The following ROBO2 variants were observed in gnomAD, a reference collection of about 807,000 sequenced individuals.
ROBO2 encodes the protein roundabout homolog 2.
Under a neutral mutation model 160.8 loss-of-function variants are expected in ROBO2, and 53 were observed. That is an observed-to-expected ratio of 0.33 (90% CI 0.26 to 0.41). The LOEUF is 0.41. Among genes scored for constraint, ROBO2 ranks in the 10% least tolerant of loss-of-function variants. The probability of loss-of-function intolerance (pLI) is 1.00; values close to 1 mark genes in which losing one functional copy is unlikely to be tolerated. For missense variants in ROBO2, 1,577 were observed against 1,722.4 expected (o/e 0.92, Z 1.49); for synonymous variants, 664 against 611.7 (o/e 1.09, Z -1.26).
chr3:76,982,136 G>A (rs546356574), intron 2 of ROBO2, among the ~76,000 whole-genome samples: 5 of 152,110 alleles, frequency 3.3e-5, no homozygotes, highest in South Asian at 2.1e-4. Flanking sequence ...TTTTGGTTTC[G>A]TATCTAAGAA....
chr3:77,503,569 A>T (rs2087983295), intron 5 of ROBO2, among the ~76,000 whole-genome samples: 1 of 150,130 alleles, frequency 6.7e-6, no homozygotes, highest in African/African-American at 2.4e-5. Context: ...ATAAAATAAT[A>T]ATAAGGCTAT....
At chr3:76,670,223 T>A (rs1040871445) in intron 2 of ROBO2, among the ~76,000 whole-genome samples, 3 of 152,244 alleles carry the variant, frequency 2.0e-5, no homozygotes, top group Admixed American at 2.0e-4. Context: ...AATCTTTTCC[T>A]TTAAGAGTTC....
chr3:76,016,251 A>T (rs994161499), intron 2 of ROBO2, among the ~76,000 whole-genome samples: 4 of 152,052 alleles, frequency 2.6e-5, no homozygotes, highest in African/African-American at 9.7e-5. Flanking sequence ...TCTGCTCGGG[A>T]CAGGCTGTGC....
intron 2 of ROBO2, among the ~76,000 whole-genome samples, chr3:76,691,242 C>T (rs1477132524): frequency 6.6e-6 from 1 of 151,974 alleles, no homozygotes; most frequent in Non-Finnish European, 1.5e-5. Flanking sequence ...TGTAAGTGCT[C>T]ACTTTCCCTT....
At chr3:77,469,591 T>C (rs1013907821) in intron 2 of ROBO2, among the ~76,000 whole-genome samples, 2 of 152,188 alleles carry the variant, frequency 1.3e-5, no homozygotes, top group Admixed American at 6.5e-5. Context: ...ACCTATAATT[T>C]GTGCTACCAG....
chr3:77,612,096 A>G (rs2094654980), intron 21 of ROBO2, among the ~76,000 whole-genome samples: 1 of 152,210 alleles, frequency 6.6e-6, no homozygotes, highest in African/African-American at 2.4e-5. Context: ...GCCAGGCAAG[A>G]CAGATAATAT....
intron 2 of ROBO2, among the ~76,000 whole-genome samples, chr3:77,464,293 T>C (rs577127139): frequency 6.6e-6 from 1 of 152,296 alleles, no homozygotes; most frequent in Middle Eastern, 3.4e-3. Context: ...TGCCAAATAG[T>C]AGTAGCTCCA....
At chr3:77,428,912 TAG>T (rs1400086959) in intron 2 of ROBO2, among the ~76,000 whole-genome samples, 1 of 152,140 alleles carries the variant, frequency 6.6e-6, no homozygotes, top group Non-Finnish European at 1.5e-5. Flanking sequence ...TCAAAACTCA[TAG>T]AGTTTGAGTT....
At position 77,511,616 on chromosome 3, in the gene ROBO2, C is replaced by A. The variant is rs544530815; in HGVS notation, c.807-11159C>A. 3.9e-5 allele frequency among the ~76,000 whole-genome samples: 6 copies of A among 151,984 alleles called. No homozygotes were observed. The East Asian group carries it at 9.7e-4, about 25-fold the overall frequency. On this transcript the variant is annotated intron_variant, in intron 5 of 25. Coordinates refer to ENST00000461745, the Ensembl canonical transcript of ROBO2. ...AAAGGAAGATTAGCATAGGGGTTTG[C>A]GTTTTTCAGTCAGGCCGAAGAGAGA... is the stretch of plus-strand genomic sequence containing the variant.
intron 4 of ROBO2, among the ~76,000 whole-genome samples, chr3:77,485,317 T>G (rs544058670): frequency 6.6e-6 from 1 of 152,248 alleles, no homozygotes; most frequent in South Asian, 2.1e-4. Context: ...AAATAATATT[T>G]TTGCTCAGAG....
At chr3:76,048,456 G>GA (rs2067523559) in intron 2 of ROBO2, among the ~76,000 whole-genome samples, 1 of 152,162 alleles carries the variant, frequency 6.6e-6, no homozygotes, top group African/African-American at 2.4e-5. Context: ...TGATAAGCCA[G>GA]AAAAATGAGT....
chr3:77,477,431 C>T lies in ROBO2; in HGVS notation c.406C>T (p.Arg136Ter), dbSNP rs1230926993. 3 of 1,613,762 alleles carry T rather than the reference C, an allele frequency of 1.9e-6. No homozygotes were observed. Among genetic ancestry groups the T allele is most frequent in the Non-Finnish European group, 2.5e-6 (3 of 1,179,868 alleles). Residue 136 changes from arginine (R) to a stop codon, truncating the protein, a stop_gained, in exon 3 of 26, where the codon CGA becomes TGA. Coordinates refer to ENST00000461745, the Ensembl canonical transcript of ROBO2. LOFTEE classifies it high-confidence loss of function. ...TTCCTCAGTGTTACGAGATGACTTC[C>T]GACAAAACCCCACAGATGTTGTAGT...
intron 2 of ROBO2, among the ~76,000 whole-genome samples, chr3:76,877,138 CA>C (rs1559639014): frequency 6.6e-6 from 1 of 152,040 alleles, no homozygotes; most frequent in Non-Finnish European, 1.5e-5. Context: ...AAAATAGTAT[CA>C]TTTTATTAGT....
chr3:76,555,331 A>AGGAAGAG, intron 2 of ROBO2, among the ~76,000 whole-genome samples: 1 of 135,448 alleles, frequency 7.4e-6, no homozygotes, highest in East Asian at 2.4e-4. Context: ...AAAAAGAAGA[A>AGGAAGAG]GAGGAAGAGG....
At chr3:76,926,120 C>T (rs2076975034) in intron 2 of ROBO2, among the ~76,000 whole-genome samples, 2 of 152,216 alleles carry the variant, frequency 1.3e-5, no homozygotes, top group African/African-American at 4.8e-5. Context: ...TTGCCCTCCT[C>T]AGAGTCCTAA....
chr3:77,578,503 T>G (rs369365175), intron 15 of ROBO2, among the ~76,000 whole-genome samples: 1 of 152,134 alleles, frequency 6.6e-6, no homozygotes, highest in African/African-American at 2.4e-5. Flanking sequence ...TTAAGCTGAA[T>G]AAATTTACTC....
At chr3:77,339,184 T>C (rs1211472904) in intron 2 of ROBO2, among the ~76,000 whole-genome samples, 1 of 152,124 alleles carries the variant, frequency 6.6e-6, no homozygotes, top group Non-Finnish European at 1.5e-5. Context: ...ATTAACACTC[T>C]TTTTTTAATC....
intron 2 of ROBO2, among the ~76,000 whole-genome samples, chr3:76,110,575 C>T (rs975658064): frequency 2.0e-5 from 3 of 152,116 alleles, no homozygotes; most frequent in African/African-American, 7.2e-5. Flanking sequence ...AAGGTTAAAA[C>T]ATTTATAAAA....
At chr3:76,515,952 G>A (rs924956027) in intron 2 of ROBO2, among the ~76,000 whole-genome samples, 2 of 152,100 alleles carry the variant, frequency 1.3e-5, no homozygotes, top group Admixed American at 6.6e-5. Flanking sequence ...ATGTGGTACC[G>A]AGAGCAGCAA....
Sources: gnomAD v4.1 joint callset for allele counts (sites outside exome capture counted in the v4.1 genomes callset) on GRCh38, gnomAD v4.1.1 for gene constraint, MANE v1.5 for transcripts, NCBI Gene and HGNC (gene_info 2026-07-23, HGNC 2026-07-21) for gene names.